CWF19L2: variants seen among roughly 807,000 people sequenced by gnomAD.
The protein encoded by CWF19L2 is CWF19-like protein 2.
In CWF19L2, 98 loss-of-function variants were observed where a neutral mutation model predicts 111.7. The observed-to-expected ratio is 0.88, with a 90% confidence interval of 0.75 to 1.04. The LOEUF (loss-of-function observed/expected upper bound fraction) is 1.04. Among genes scored for constraint, CWF19L2 ranks in the 50% least tolerant of loss-of-function variants. The pLI, the probability that CWF19L2 is intolerant of heterozygous loss-of-function variation, is 0.00. For synonymous variants in CWF19L2, 351 were observed against 342.9 expected, an observed-to-expected ratio of 1.02 and a Z score of -0.26; for missense variants, 1,101 against 1,051.4, an observed-to-expected ratio of 1.05 and a Z score of -0.65.
chr11:107,449,076 C>T (rs1861741942), intron 3 of CWF19L2, among the ~76,000 whole-genome samples: 1 of 146,622 alleles, frequency 6.8e-6, no homozygotes, highest in Non-Finnish European at 1.5e-5. Context: ...ATTACAATGA[C>T]TACAGAGTTC....
intron 10 of CWF19L2, among the ~76,000 whole-genome samples, chr11:107,401,514 A>C (rs1179798844): frequency 2.6e-5 from 4 of 152,156 alleles, no homozygotes; most frequent in African/African-American, 9.7e-5. Context: ...ACTTAGGAAT[A>C]TACCTAACAA....
rs920534080 is a variant in CWF19L2 at position 107,439,235 on chromosome 11, A to C, written c.571-52T>G. 8.6e-5 allele frequency: 88 copies of C among 1,027,772 alleles called. No homozygotes were observed. In the African/African-American group the frequency reaches 1.3e-3, roughly 15 times the overall value. The allele number at this position is 1,027,772 out of a possible 1,614,324, so 63.7% of individuals were successfully genotyped here. A position where few individuals can be genotyped will look rare whatever the true frequency, so the allele number is the denominator to read the frequency against. Reference sequence around the variant, plus strand: ...AATTTCAAAAAATTAACAAATTATAAAAAATTAACAAATAATAAATCTGAG... The same window carrying C: ...AATTTCAAAAAATTAACAAATTATACAAAATTAACAAATAATAAATCTGAG... On this transcript the variant is annotated intron_variant, in intron 5 of 17. Transcript: ENST00000282251.
intron 14 of CWF19L2, among the ~76,000 whole-genome samples, chr11:107,347,956 C>A (rs1860105269): frequency 6.6e-6 from 1 of 152,024 alleles, no homozygotes; most frequent in African/African-American, 2.4e-5. Context: ...TAAAATAATT[C>A]TAAGAACTGA....
Position 107,457,754 on chromosome 11 carries a change from C to A in CWF19L2, c.63G>T (p.Arg21=). The part of the protein sequence containing the change: ...RFESAKSIEE[R]KEQTRNARAE... ...CCCTGGCATTCCGGGTCTGTTCTTT[C>A]CGCTCTTCGATACTCTTCGCACTTT... Residue 21 remains arginine (R), a synonymous_variant, in exon 1 of 18, where the codon CGG becomes CGT. Transcript: ENST00000282251. The A allele has an allele frequency of 1.3e-6, 2 of 1,551,768 alleles. No individual in the cohort carries two copies. Among genetic ancestry groups the A allele is most frequent in the Non-Finnish European group, 1.7e-6 (2 of 1,146,994 alleles).
At chr11:107,358,781 T>A (rs1860277942) in intron 12 of CWF19L2, among the ~76,000 whole-genome samples, 1 of 152,170 alleles carries the variant, frequency 6.6e-6, no homozygotes, top group African/African-American at 2.4e-5. Flanking sequence ...TTTAGTCAAT[T>A]CTGTGAGTCT....
intron 13 of CWF19L2, among the ~76,000 whole-genome samples, chr11:107,349,416 T>C (rs1253077127): frequency 1.3e-5 from 2 of 152,058 alleles, no homozygotes; most frequent in East Asian, 3.9e-4. Flanking sequence ...AACACAATTT[T>C]CACAAAAACA....
rs11376850 is a variant in CWF19L2 at position 107,370,549 on chromosome 11, G to GAA, written c.1873-16815_1873-16814dup. 1.7e-3 allele frequency among the ~76,000 whole-genome samples: 206 copies of GAA among 119,852 alleles called. 26 individuals are homozygous for GAA. The highest frequency in any genetic ancestry group is 3.4e-3 in the African/African-American group (99 of 29,090). 78.6% of individuals were successfully genotyped at this position (119,852 alleles called of 152,430 possible). A position where few individuals can be genotyped will look rare whatever the true frequency, so the allele number is the denominator to read the frequency against. On this transcript the variant is annotated intron_variant, in intron 12 of 17. Transcript: ENST00000282251. ...TTCATAAGTGATTGTTTCTTCAAGG[G>GAA]AAAAAAAAAAAACAACTGCATGGCC... is the stretch of plus-strand genomic sequence containing the variant.
intron 10 of CWF19L2, among the ~76,000 whole-genome samples, chr11:107,397,416 T>C (rs925397487): frequency 6.6e-6 from 1 of 152,016 alleles, no homozygotes; most frequent in Non-Finnish European, 1.5e-5. Context: ...CCTGACAACC[T>C]GCATGACTCA....
chr11:107,351,701 C>G (rs1027905419), intron 13 of CWF19L2, among the ~76,000 whole-genome samples: 2 of 152,130 alleles, frequency 1.3e-5, no homozygotes, highest in South Asian at 2.1e-4. Flanking sequence ...CAATGTTACT[C>G]TGTAGCTCCT....
intron 10 of CWF19L2, chr11:107,403,471 G>A (rs1861035592): frequency 1.2e-6 from 1 of 808,544 alleles, no homozygotes; most frequent in Non-Finnish European, 2.2e-6. Context: ...TGCTCTCTGA[G>A]CCAGTGTTAC....
chr11:107,413,489 G>T (rs552594805), intron 10 of CWF19L2, among the ~76,000 whole-genome samples: 15 of 152,174 alleles, frequency 9.9e-5, no homozygotes, highest in Non-Finnish European at 1.9e-4. Flanking sequence ...CCATACTGTG[G>T]AAGGCTATGC....
At chr11:107,341,084 G>A (rs926250660) in intron 14 of CWF19L2, among the ~76,000 whole-genome samples, 1 of 152,264 alleles carries the variant, frequency 6.6e-6, no homozygotes, top group East Asian at 1.9e-4. Context: ...GGTCTGCCCT[G>A]TTTCAGTTCT....
chr11:107,438,969 T>G (rs1361140932), intron 6 of CWF19L2, 121 bp downstream of exon 6: 4 of 525,604 alleles, frequency 7.6e-6, no homozygotes, highest in South Asian at 2.5e-5. Flanking sequence ...GAGGGGGAGG[T>G]GGAGGCTGCA....
rs1206211010 is a variant in CWF19L2 at position 107,442,768 on chromosome 11, AAGGAAGGAAGGAAGGAAGGAAGGAAGGG to A, written c.450+143_450+170del. ...GAAGGAAGGAAGGAAGGAAGGAAGG[AAGGAAGGAAGGAAGGAAGGAAGGAAGGG>A]AGGGAGGGAGGGAGGGAGGGAGGGG... On this transcript the variant is annotated intron_variant, in intron 4 of 17. Transcript: ENST00000282251. 5.4e-3 allele frequency among the ~76,000 whole-genome samples: 236 copies of A among 43,482 alleles called. 6 individuals carry two copies. Among genetic ancestry groups the A allele is most frequent in the African/African-American group, 0.025 (232 of 9,186 alleles). 28.5% of individuals were successfully genotyped at this position (43,482 alleles called of 152,430 possible).
At chr11:107,373,721 C>T (rs572646488) in intron 12 of CWF19L2, among the ~76,000 whole-genome samples, 1 of 133,456 alleles carries the variant, frequency 7.5e-6, no homozygotes, top group Admixed American at 7.3e-5. Flanking sequence ...GCCTCTCCTC[C>T]TCCAAAGGAA....
intron 8 of CWF19L2, among the ~76,000 whole-genome samples, chr11:107,425,072 C>G (rs868215263): frequency 4.6e-5 from 7 of 151,632 alleles, no homozygotes; most frequent in Non-Finnish European, 7.4e-5. Context: ...AAAAAAAGCC[C>G]AAACATGTCT....
At chr11:107,338,762 T>C (rs940331033) in intron 14 of CWF19L2, among the ~76,000 whole-genome samples, 2 of 152,376 alleles carry the variant, frequency 1.3e-5, no homozygotes, top group African/African-American at 4.8e-5. Context: ...TTCCTTTTTA[T>C]GGCTGCATAG....
chr11:107,431,004 T>TA (rs1247482097), intron 7 of CWF19L2, among the ~76,000 whole-genome samples: 5 of 150,436 alleles, frequency 3.3e-5, no homozygotes, highest in Non-Finnish European at 7.4e-5. Flanking sequence ...ACATAAAAAA[T>TA]AAAAAAATAA....
At chr11:107,441,663 A>C (rs1471905636) in intron 4 of CWF19L2, 41 bp from the exon 5 acceptor site, 1 of 1,480,962 alleles carries the variant, frequency 6.8e-7, no homozygotes, top group Non-Finnish European at 8.9e-7. Flanking sequence ...TCATCCACTC[A>C]TCATTTCAAT....
Sources: gnomAD v4.1 joint callset for allele counts (sites outside exome capture counted in the v4.1 genomes callset) on GRCh38, gnomAD v4.1.1 for gene constraint, MANE v1.5 for transcripts, NCBI Gene and HGNC (gene_info 2026-07-23, HGNC 2026-07-21) for gene names.